The following ANKLE2 variants were observed in gnomAD, a reference collection of about 807,000 sequenced individuals.
ANKLE2 encodes the protein ankyrin repeat and LEM domain-containing protein 2.
ANKLE2 carries 55 observed loss-of-function variants against 84.2 expected under a neutral mutation model. The ratio of observed to expected loss-of-function variants is 0.65; its 90% confidence interval spans 0.53 to 0.82. The LOEUF (loss-of-function observed/expected upper bound fraction) is 0.82, where lower values mean the gene tolerates loss of function less well. Among genes scored for constraint, ANKLE2 ranks in the 40% least tolerant of loss-of-function variants. The pLI, the probability that ANKLE2 is intolerant of heterozygous loss-of-function variation, is 0.00. For synonymous variants in ANKLE2, 551 were observed against 486.1 expected (o/e 1.13, Z -1.76); for missense variants, 1,238 against 1,201.9 (o/e 1.03, Z -0.44).
intron 1 of ANKLE2, chr12:132,757,329 T>C (rs1014821466): frequency 6.6e-6 from 1 of 152,258 alleles, no homozygotes; most frequent in African/African-American, 2.4e-5. Context: ...AAACGATTCC[T>C]GTAAAGGGCG....
chr12:132,747,282 ATCTC>A (rs1011404575), intron 5 of ANKLE2, among the ~76,000 whole-genome samples: 2 of 121,956 alleles, frequency 1.6e-5, no homozygotes, highest in Non-Finnish European at 3.3e-5. Flanking sequence ...GTCAGGCAGC[ATCTC>A]TCTCTCTCCA....
chr12:132,759,305 GT>G (rs1323330072), intron 1 of ANKLE2: 2 of 152,234 alleles, frequency 1.3e-5, no homozygotes, highest in Non-Finnish European at 2.9e-5. Context: ...AGTTATTTCA[GT>G]TTCTGGTAAT....
chr12:132,757,255 G>A (rs2044507083), intron 1 of ANKLE2: 1 of 152,300 alleles, frequency 6.6e-6, no homozygotes, highest in African/African-American at 2.4e-5. Flanking sequence ...AATACACGGT[G>A]GCTGATGAGA....
At chr12:132,761,493 T>C (rs1179672963) in intron 1 of ANKLE2, 125 bp downstream of exon 1, 1 of 858,316 alleles carries the variant, frequency 1.2e-6, no homozygotes, top group Admixed American at 4.6e-5. Flanking sequence ...CGGCCCTGGT[T>C]TCCCCGGCCG....
intron 6 of ANKLE2, chr12:132,741,967 G>A: frequency 2.6e-6 from 1 of 388,612 alleles, no homozygotes; most frequent in South Asian, 1.9e-5. Flanking sequence ...AAGAATTGCA[G>A]CAATACGAAC....
At chr12:132,736,501 C>T (rs1229655468) in intron 8 of ANKLE2, among the ~76,000 whole-genome samples, 1 of 152,186 alleles carries the variant, frequency 6.6e-6, no homozygotes, top group African/African-American at 2.4e-5. Context: ...CACAGGGAAA[C>T]GTGGTCAGGA....
chr12:132,734,716 A>G (rs1030779424), intron 9 of ANKLE2, 141 bp from the exon 10 acceptor site: 2 of 821,858 alleles, frequency 2.4e-6, no homozygotes, highest in African/African-American at 3.5e-5. Context: ...CTTAACTGGC[A>G]GCTGAAATCA....
Position 132,755,053 on chromosome 12 carries a change from C to G in ANKLE2, c.262G>C (p.Gly88Arg). 1 of 1,614,044 alleles carries G rather than the reference C, an allele frequency of 6.2e-7. No individual in the cohort carries two copies. Among genetic ancestry groups the G allele is most frequent in the Non-Finnish European group, 8.5e-7 (1 of 1,180,022 alleles). Reference protein sequence around the residue: ...DDLREEIVKAGLKCGPITSTT... With the variant: ...DDLREEIVKARLKCGPITSTT... The stretch of plus-strand genomic sequence containing the variant: ...GATGTAATGGGTCCACATTTCAATC[C>G]GGCTTTGACGATTTCTTCTCTAAGG... Residue 88 changes from glycine (G) to arginine (R), a missense_variant, in exon 2 of 13, where the codon GGA (glycine) becomes CGA (arginine). Physicochemically the swap from Gly to Arg is moderately radical, Grantham distance 125. This residue lies in a region of ANKLE2 where 422 missense variants were observed against 394.5 expected (regional missense o/e 1.07). Transcript: ENST00000357997.
chr12:132,733,946 C>T, intron 10 of ANKLE2: 1 of 457,126 alleles, frequency 2.2e-6, no homozygotes, highest in Admixed American at 2.3e-5. Context: ...CAAAGCGATG[C>T]CATTATTTTT....
intron 7 of ANKLE2, among the ~76,000 whole-genome samples, chr12:132,739,803 A>T (rs1170198982): frequency 6.6e-6 from 1 of 152,242 alleles, no homozygotes; most frequent in Non-Finnish European, 1.5e-5. Context: ...CCGAGGCCCC[A>T]GCGTGACCAC....
chr12:132,754,134 C>T (rs2044423664), intron 2 of ANKLE2, among the ~76,000 whole-genome samples: 1 of 152,046 alleles, frequency 6.6e-6, no homozygotes, highest in South Asian at 2.1e-4. Flanking sequence ...CCCAGCTACT[C>T]AGGAGGCTGA....
At chr12:132,734,280 T>A in intron 10 of ANKLE2, 105 bp downstream of exon 10, 1 of 1,236,040 alleles carries the variant, frequency 8.1e-7, no homozygotes, top group Non-Finnish European at 1.1e-6. Context: ...ACCAGACCTT[T>A]ACGTTAAAAA....
chr12:132,732,046 G>C (rs1215558421), intron 10 of ANKLE2: 1 of 150,684 alleles, frequency 6.6e-6, no homozygotes, highest in Non-Finnish European at 1.5e-5. Flanking sequence ...CTGCATGCTG[G>C]TGTCTGATGT....
In ANKLE2 at chr12:132,761,806, G is replaced by A. The variant is rs2044633743; in HGVS notation, c.-8C>T. ...CAGCCGCGGCCACAGCATCGCCGCCGCCCGGGCCGCAGCCGCCGAGAAGCC... is the reference window on the plus strand; with the variant it reads ...CAGCCGCGGCCACAGCATCGCCGCCACCCGGGCCGCAGCCGCCGAGAAGCC... On this transcript the variant is annotated 5_prime_UTR_variant, in exon 1 of 13. Transcript: ENST00000357997. 1.6e-5 allele frequency: 17 copies of A among 1,056,488 alleles called. No homozygotes were observed. In the Admixed American group the frequency reaches 1.7e-4, roughly 10 times the overall value. 65.4% of individuals were successfully genotyped at this position (1,056,488 alleles called of 1,614,324 possible). A position where few individuals can be genotyped will look rare whatever the true frequency, so the allele number is the denominator to read the frequency against.
chr12:132,727,386 G>A lies in ANKLE2; in HGVS notation c.2673C>T (p.Gly891=). The A allele has an allele frequency of 6.4e-7, 1 of 1,561,564 alleles. No individual in the cohort carries two copies. The highest frequency in any genetic ancestry group is 8.7e-7 in the Non-Finnish European group (1 of 1,152,854). Residue 891 remains glycine, a synonymous_variant, in exon 13 of 13, where the codon GGC becomes GGT. Coordinates refer to ENST00000357997, the MANE Select transcript of ANKLE2 (RefSeq NM_015114.3). ...TTCTCCCCGGACTGTAGCTGTGAGG[G>A]CCACTGAGATCTGGCAGCTGAGACT... ...RFKSQLPDLS[G]PHSYSPGRNS...
chr12:132,744,117 C>G (rs189179793), intron 5 of ANKLE2, among the ~76,000 whole-genome samples: 12 of 152,190 alleles, frequency 7.9e-5, no homozygotes, highest in African/African-American at 2.4e-4. Flanking sequence ...GGAGCTCCCA[C>G]AGCTGCACCT....
intron 10 of ANKLE2, among the ~76,000 whole-genome samples, chr12:132,732,871 G>C (rs566105638): frequency 1.4e-4 from 14 of 103,534 alleles, no homozygotes; most frequent in African/African-American, 3.9e-5. Context: ...CGTGTGAAGC[G>C]CTCTGCATCC....
chr12:132,738,550 A>T (rs1201148972), intron 7 of ANKLE2: 2 of 150,392 alleles, frequency 1.3e-5, no homozygotes, highest in Admixed American at 6.6e-5. Flanking sequence ...TTGGAAACAG[A>T]GTCTCGCTCT....
chr12:132,754,653 A>C, intron 2 of ANKLE2, 22 bp downstream of exon 2: 1 of 1,571,264 alleles, frequency 6.4e-7, no homozygotes, highest in Admixed American at 1.8e-5. Context: ...GTGTGAGGAA[A>C]TCCTACACAC....
Sources: gnomAD v4.1 joint callset for allele counts (sites outside exome capture counted in the v4.1 genomes callset) on GRCh38, gnomAD v4.1.1 for gene constraint, gnomAD v4.1.1 regional missense constraint, MANE v1.5 for transcripts, NCBI Gene and HGNC (gene_info 2026-07-23, HGNC 2026-07-21) for gene names.